Variants in TCF12 observed in about 807,000 individuals in gnomAD.
TCF12 encodes transcription factor 12.
TCF12 carries 45 observed loss-of-function variants against 86.0 expected under a neutral mutation model. The ratio of observed to expected loss-of-function variants is 0.52; its 90% CI spans 0.41 to 0.67. The LOEUF is 0.67. TCF12 is among the 30% of genes least tolerant of loss of function. The pLI, the probability that TCF12 is intolerant of heterozygous loss-of-function variation, is 0.00. For synonymous variants in TCF12, 330 were observed against 299.6 expected (o/e 1.10, Z -1.05); for missense variants, 881 against 859.9 (o/e 1.02, Z -0.31).
chr15:57,040,596 G>A (rs1333564240), intron 3 of TCF12, among the ~76,000 whole-genome samples: 2 of 152,196 alleles, frequency 1.3e-5, no homozygotes, highest in Admixed American at 1.3e-4. Flanking sequence ...CTGGTATTCA[G>A]TAGGAGAAGA....
intron 3 of TCF12, among the ~76,000 whole-genome samples, chr15:57,053,831 G>A (rs1170487428): frequency 1.3e-5 from 2 of 152,134 alleles, no homozygotes; most frequent in African/African-American, 4.8e-5. Context: ...AAGAATAAGA[G>A]TAAGAGTTAT....
chr15:56,972,617 C>T (rs182643863), intron 3 of TCF12, among the ~76,000 whole-genome samples: 143 of 152,126 alleles, frequency 9.4e-4, no homozygotes, highest in African/African-American at 3.1e-3. Flanking sequence ...AGCCAGGAAC[C>T]ACAGACACAG....
intron 5 of TCF12, among the ~76,000 whole-genome samples, chr15:57,143,936 A>G (rs1454500542): frequency 6.6e-6 from 1 of 151,886 alleles, no homozygotes; most frequent in Non-Finnish European, 1.5e-5. Context: ...GCTCCTGGGG[A>G]GGGTTTTTTT....
intron 3 of TCF12, among the ~76,000 whole-genome samples, chr15:57,018,691 T>C (rs936898483): frequency 2.6e-5 from 4 of 152,168 alleles, no homozygotes; most frequent in Non-Finnish European, 1.5e-5. Flanking sequence ...TCCACCTGCC[T>C]TGGCCTCCCA....
intron 3 of TCF12, among the ~76,000 whole-genome samples, chr15:57,017,568 T>C (rs2065224880): frequency 6.6e-6 from 1 of 152,188 alleles, no homozygotes; most frequent in African/African-American, 2.4e-5. Flanking sequence ...CCCAACATTG[T>C]TTACTTTAAA....
At chr15:56,986,355 A>G (rs2063178082) in intron 3 of TCF12, among the ~76,000 whole-genome samples, 2 of 152,194 alleles carry the variant, frequency 1.3e-5, no homozygotes, top group African/African-American at 2.4e-5. Flanking sequence ...CTGTTGATAA[A>G]TAAAATGTAA....
At chr15:57,014,321 C>T (rs2065020451) in intron 3 of TCF12, among the ~76,000 whole-genome samples, 1 of 152,100 alleles carries the variant, frequency 6.6e-6, no homozygotes, top group South Asian at 2.1e-4. Flanking sequence ...AGCCACTCTA[C>T]AGTGGGCTGT....
chr15:56,934,499 G>C (rs2060382216), intron 3 of TCF12, among the ~76,000 whole-genome samples: 1 of 152,124 alleles, frequency 6.6e-6, no homozygotes, highest in Non-Finnish European at 1.5e-5. Flanking sequence ...GACAGGACTT[G>C]GATCTGTCTG....
intron 9 of TCF12, 150 bp from the exon 10 acceptor site, chr15:57,232,141 C>A: frequency 1.4e-6 from 1 of 706,194 alleles, no homozygotes; most frequent in Non-Finnish European, 2.2e-6. Context: ...AGTAATTTTA[C>A]AGTTTAGAGG....
intron 5 of TCF12, among the ~76,000 whole-genome samples, chr15:57,104,435 C>CTTTTTTT (rs71113062): frequency 6.5e-4 from 67 of 103,286 alleles, no homozygotes; most frequent in Non-Finnish European, 1.0e-3. Flanking sequence ...TTTTTTTTTT[C>CTTTTTTT]TTTTTTTTTT....
intron 5 of TCF12, among the ~76,000 whole-genome samples, chr15:57,145,967 GAATTTTTACAA>G (rs1429685134): frequency 6.6e-6 from 1 of 152,186 alleles, no homozygotes; most frequent in African/African-American, 2.4e-5. Flanking sequence ...CCGAGATTCT[GAATTTTTACAA>G]ACTTCATGGC....
chr15:57,180,877 T>C (rs2615252), intron 6 of TCF12, among the ~76,000 whole-genome samples: 72,424 of 139,972 alleles, frequency 0.52, 19,037 homozygotes, highest in Admixed American at 0.58. Flanking sequence ...TGCAGTGGTG[T>C]GATCTCGGCT....
At chr15:56,984,460 C>T (rs1245245165) in intron 3 of TCF12, among the ~76,000 whole-genome samples, 4 of 152,150 alleles carry the variant, frequency 2.6e-5, no homozygotes, top group South Asian at 2.1e-4. Flanking sequence ...GTAAGCTGAT[C>T]ATGAACAAAT....
chr15:56,936,572 G>T (rs1204335220), intron 3 of TCF12, among the ~76,000 whole-genome samples: 2 of 152,086 alleles, frequency 1.3e-5, no homozygotes, highest in Admixed American at 6.6e-5. Context: ...GTCTAGATGG[G>T]TTTTTCTGAT....
intron 3 of TCF12, among the ~76,000 whole-genome samples, chr15:56,925,095 A>G (rs981414295): frequency 9.9e-5 from 15 of 152,098 alleles, no homozygotes; most frequent in Admixed American, 3.9e-4. Flanking sequence ...GCTACTCAGG[A>G]GGCTGGGGTG....
chr15:56,958,678 AGTGTGTGTGTGTGTGT>A (rs55707134), intron 3 of TCF12, among the ~76,000 whole-genome samples: 25 of 142,130 alleles, frequency 1.8e-4, no homozygotes, highest in Non-Finnish European at 1.8e-4. Context: ...AGAGAGAGAG[AGTGTGTGTGTGTGTGT>A]GTGTGTGTGT....
chr15:57,229,720 T>C (rs75184685), intron 8 of TCF12, among the ~76,000 whole-genome samples: 2 of 152,052 alleles, frequency 1.3e-5, no homozygotes, highest in African/African-American at 2.4e-5. Flanking sequence ...CTATAACTTA[T>C]TGCCTGCATA....
chr15:57,114,384 G>A (rs1361169616), intron 5 of TCF12, among the ~76,000 whole-genome samples: 2 of 152,160 alleles, frequency 1.3e-5, no homozygotes, highest in Non-Finnish European at 2.9e-5. Flanking sequence ...TTGGCCTCCT[G>A]CGCTCAAATG....
intron 3 of TCF12, among the ~76,000 whole-genome samples, chr15:56,997,440 G>T (rs1382109437): frequency 6.6e-6 from 1 of 152,140 alleles, no homozygotes; most frequent in Non-Finnish European, 1.5e-5. Context: ...GGTCATAAAT[G>T]AGAACAGTAG....
Sources: allele counts gnomAD v4.1 joint callset (sites outside exome capture counted in the v4.1 genomes callset), GRCh38; gene constraint gnomAD v4.1.1; transcripts MANE v1.5; gene names NCBI Gene and HGNC (gene_info 2026-07-23, HGNC 2026-07-21).